The following SH3GL2 variants were observed in gnomAD, a reference collection of about 807,000 sequenced individuals.
The protein encoded by SH3GL2 is endophilin-A1.
A neutral mutation model predicts 46.0 loss-of-function variants in SH3GL2; 24 were observed. The observed-to-expected ratio is 0.52, with a 90% CI of 0.38 to 0.73. SH3GL2 has a LOEUF of 0.73. Among genes scored for constraint, SH3GL2 ranks in the 30% least tolerant of loss-of-function variants. The probability of loss-of-function intolerance (pLI) is 0.00; values close to 1 mark genes in which losing one functional copy is unlikely to be tolerated. For synonymous variants in SH3GL2, 196 were observed against 147.1 expected, an observed-to-expected ratio of 1.33 and a Z score of -2.40; for missense variants, 413 against 424.2, an observed-to-expected ratio of 0.97 and a Z score of 0.23.
At chr9:17,640,484 C>G (rs1048318600) in intron 1 of SH3GL2, among the ~76,000 whole-genome samples, 1 of 151,890 alleles carries the variant, frequency 6.6e-6, no homozygotes, top group Non-Finnish European at 1.5e-5. Context: ...AATCAAAGAG[C>G]TTGTCATAAT....
intron 2 of SH3GL2, among the ~76,000 whole-genome samples, chr9:17,753,877 G>C (rs570507862): frequency 3.2e-4 from 48 of 152,268 alleles, no homozygotes; most frequent in African/African-American, 1.1e-3. Flanking sequence ...AAGGGGTCCA[G>C]TTTCAATCTT....
chr9:17,747,405 A>T (rs1822721783), intron 2 of SH3GL2, among the ~76,000 whole-genome samples: 1 of 152,298 alleles, frequency 6.6e-6, no homozygotes, highest in East Asian at 1.9e-4. Flanking sequence ...TTTTAAAAAA[A>T]TAAGGACAGT....
chr9:17,662,211 G>A (rs1186132849), intron 1 of SH3GL2, among the ~76,000 whole-genome samples: 1 of 152,152 alleles, frequency 6.6e-6, no homozygotes, highest in Non-Finnish European at 1.5e-5. Flanking sequence ...CTATTTAATA[G>A]TTCTATCAGT....
chr9:17,724,938 C>T (rs566617224), intron 1 of SH3GL2, among the ~76,000 whole-genome samples: 13 of 152,140 alleles, frequency 8.5e-5, no homozygotes, highest in African/African-American at 2.2e-4. Context: ...GTGGCTTTCA[C>T]GGTTCAGGGA....
At chr9:17,732,981 A>T (rs1822223774) in intron 1 of SH3GL2, among the ~76,000 whole-genome samples, 1 of 152,060 alleles carries the variant, frequency 6.6e-6, no homozygotes, top group Admixed American at 6.6e-5. Flanking sequence ...TGACCATAGC[A>T]TACCTGGTCA....
At chr9:17,738,811 G>C (rs1279750547) in intron 1 of SH3GL2, among the ~76,000 whole-genome samples, 2 of 151,922 alleles carry the variant, frequency 1.3e-5, no homozygotes, top group Non-Finnish European at 2.9e-5. Flanking sequence ...CTTCCTCAGA[G>C]TCAGCTCAGC....
intron 1 of SH3GL2, among the ~76,000 whole-genome samples, chr9:17,581,919 G>A (rs752089942): frequency 2.6e-5 from 4 of 152,038 alleles, no homozygotes; most frequent in Admixed American, 1.3e-4. Flanking sequence ...GGCTGGTCTC[G>A]AACTCCTGAC....
chr9:17,652,145 A>C (rs966073954), intron 1 of SH3GL2, among the ~76,000 whole-genome samples: 1 of 151,974 alleles, frequency 6.6e-6, no homozygotes, highest in African/African-American at 2.4e-5. Flanking sequence ...GGATTTAGTT[A>C]TCAGCTAATT....
intron 1 of SH3GL2, among the ~76,000 whole-genome samples, chr9:17,647,405 G>T (rs1001858422): frequency 1.1e-5 from 1 of 90,894 alleles, no homozygotes; most frequent in Non-Finnish European, 2.8e-5. Context: ...CAGAGCTCTT[G>T]TTAGTTTCTC....
intron 1 of SH3GL2, among the ~76,000 whole-genome samples, chr9:17,654,550 C>T (rs993336280): frequency 2.6e-5 from 4 of 152,010 alleles, no homozygotes; most frequent in Admixed American, 2.6e-4. Context: ...TCTGTGAAAG[C>T]GTAGATTAGG....
chr9:17,746,936 ACT>A (rs1822706165), intron 1 of SH3GL2, 128 bp from the exon 2 acceptor site: 9 of 627,240 alleles, frequency 1.4e-5, no homozygotes, highest in Non-Finnish European at 2.5e-5. Context: ...TAAAAATGAG[ACT>A]CTCCACCTAA....
chr9:17,603,042 C>A (rs12554329), intron 1 of SH3GL2, among the ~76,000 whole-genome samples: 3,835 of 152,268 alleles, frequency 0.025, 79 homozygotes, highest in East Asian at 0.12. Flanking sequence ...GCTGTGTGTG[C>A]ACATTCTGTG....
intron 2 of SH3GL2, among the ~76,000 whole-genome samples, chr9:17,752,608 C>T (rs921195672): frequency 6.6e-6 from 1 of 152,114 alleles, no homozygotes; most frequent in South Asian, 2.1e-4. Context: ...AGTGATTCTC[C>T]TGCCTCAGCC....
At chr9:17,769,777 T>C (rs944376290) in intron 3 of SH3GL2, among the ~76,000 whole-genome samples, 1 of 152,206 alleles carries the variant, frequency 6.6e-6, no homozygotes, top group Non-Finnish European at 1.5e-5. Context: ...CCATTTCTCA[T>C]ATAGAACGTA....
At chr9:17,644,450 C>T (rs757680141) in intron 1 of SH3GL2, among the ~76,000 whole-genome samples, 5 of 152,146 alleles carry the variant, frequency 3.3e-5, no homozygotes, top group Admixed American at 1.3e-4. Flanking sequence ...TTCCCTCTTT[C>T]TCCCGTGGGC....
At chr9:17,762,421 C>T (rs939485063) in intron 3 of SH3GL2, among the ~76,000 whole-genome samples, 34 of 148,788 alleles carry the variant, frequency 2.3e-4, no homozygotes, top group African/African-American at 6.7e-4. Context: ...AAAAAGGGGG[C>T]GGGTGTGGGC....
intron 1 of SH3GL2, among the ~76,000 whole-genome samples, chr9:17,594,598 TAACA>T (rs1003955661): frequency 1.3e-5 from 2 of 152,160 alleles, no homozygotes; most frequent in Non-Finnish European, 2.9e-5. Flanking sequence ...TATACCTATG[TAACA>T]AACCTGCACG....
chr9:17,613,947 A>G (rs374475277), intron 1 of SH3GL2, among the ~76,000 whole-genome samples: 10 of 152,162 alleles, frequency 6.6e-5, no homozygotes, highest in African/African-American at 1.9e-4. Flanking sequence ...GAATGACGAC[A>G]ATACTGGAGA....
At chr9:17,678,182 T>C (rs1251042464) in intron 1 of SH3GL2, among the ~76,000 whole-genome samples, 2 of 152,086 alleles carry the variant, frequency 1.3e-5, no homozygotes, top group Non-Finnish European at 2.9e-5. Flanking sequence ...ATGGTATTTC[T>C]AGTTCTAGAT....
Sources: gnomAD v4.1 joint callset for allele counts (sites outside exome capture counted in the v4.1 genomes callset) on GRCh38, gnomAD v4.1.1 for gene constraint, MANE v1.5 for transcripts, NCBI Gene and HGNC (gene_info 2026-07-23, HGNC 2026-07-21) for gene names.